The following ARMC2 variants were observed in gnomAD, a reference collection of about 807,000 sequenced individuals.
The protein encoded by ARMC2 is armadillo repeat containing 2, also known as armadillo repeat-containing protein 2.
A neutral mutation model predicts 90.3 loss-of-function variants in ARMC2; 67 were observed. That is an observed-to-expected ratio of 0.74 (90% CI 0.61 to 0.91). The LOEUF (loss-of-function observed/expected upper bound fraction) is 0.91. Ranked by LOEUF, ARMC2 falls within the 40% of genes least tolerant of loss-of-function variation. The pLI is 0.00. For missense variants in ARMC2, 920 were observed against 1,030.9 expected (o/e 0.89, Z 1.47); for synonymous variants, 393 against 393.0 (o/e 1.00, Z 0.00).
intron 17 of ARMC2, among the ~76,000 whole-genome samples, chr6:108,972,844 T>G: frequency 6.6e-6 from 1 of 151,752 alleles, no homozygotes; most frequent in East Asian, 1.9e-4. Flanking sequence ...TTCTGATTTT[T>G]TTTTTTTTTT....
the ARMC2 span, among the ~76,000 whole-genome samples, chr6:109,010,032 CTT>C: frequency 6.6e-6 from 1 of 152,158 alleles, no homozygotes; most frequent in South Asian, 2.1e-4. Context: ...GAATGCAGGA[CTT>C]TGGCCTATAA....
the ARMC2 span, among the ~76,000 whole-genome samples, chr6:109,023,307 C>T: frequency 6.6e-6 from 1 of 152,186 alleles, no homozygotes; most frequent in Non-Finnish European, 1.5e-5. Context: ...GACACATTAT[C>T]ATAACTTCCT....
chr6:108,947,161 G>C (rs1776858506), intron 12 of ARMC2, among the ~76,000 whole-genome samples: 1 of 152,160 alleles, frequency 6.6e-6, no homozygotes, highest in Non-Finnish European at 1.5e-5. Flanking sequence ...GGAGGGAGCT[G>C]GGGAACATTT....
intron 3 of ARMC2, among the ~76,000 whole-genome samples, chr6:108,866,990 G>A (rs1431987193): frequency 6.6e-6 from 1 of 151,864 alleles, no homozygotes; most frequent in African/African-American, 2.4e-5. Flanking sequence ...TGCGTCATAC[G>A]TGATAAATGA....
chr6:108,975,575 T>C (rs1364606220), downstream of ARMC2, among the ~76,000 whole-genome samples: 3 of 152,318 alleles, frequency 2.0e-5, no homozygotes, highest in East Asian at 5.8e-4. Flanking sequence ...CTTGAGGAAT[T>C]GCCACACTGT....
chr6:109,008,605 C>G, the ARMC2 span: 1 of 179,360 alleles, frequency 5.6e-6, no homozygotes, highest in African/African-American at 2.4e-5. Context: ...ATTTAGATTT[C>G]TTGAACTAAG....
At chr6:108,880,187 C>T (rs960808135) in intron 5 of ARMC2, 1 of 341,424 alleles carries the variant, frequency 2.9e-6, no homozygotes, top group Non-Finnish European at 5.7e-6. Context: ...GCAGTATAGG[C>T]TTGATTTTTG....
rs1474704532 is a variant in ARMC2 at position 108,953,366 on chromosome 6, C to G, written c.1915+15C>G. On this transcript the variant is annotated intron_variant, in intron 13 of 17. Coordinates refer to ENST00000392644, the MANE Select transcript of ARMC2 (RefSeq NM_032131.6). ...GACCACGCTGGGTGAGAACCGCAGCCCACTGGCTGCAGCAGACACAACCAA... is the reference window on the plus strand; with the variant it reads ...GACCACGCTGGGTGAGAACCGCAGCGCACTGGCTGCAGCAGACACAACCAA... 2 of 1,583,094 alleles carry G rather than the reference C, an allele frequency of 1.3e-6. No homozygotes were observed. The highest frequency in any genetic ancestry group is 4.5e-5 in the East Asian group (2 of 44,506).
downstream of ARMC2, among the ~76,000 whole-genome samples, chr6:108,977,028 T>A (rs1219832204): frequency 6.6e-6 from 1 of 152,218 alleles, no homozygotes; most frequent in Non-Finnish European, 1.5e-5. Flanking sequence ...GGCCAGAACT[T>A]CCAATACTAT....
Position 108,936,246 on chromosome 6 carries a change from T to TTTTG in ARMC2, c.1497-630_1497-627dup, listed in dbSNP as rs540518859. On this transcript the variant is annotated intron_variant, in intron 11 of 17. Coordinates refer to ENST00000392644, the MANE Select transcript of ARMC2 (RefSeq NM_032131.6). ...TTCGTTTGTTTTGAATGTATAGGTT[T>TTTTG]TTTGTTTGTTTGTTTGTTTGTTTGT... 6.3e-3 allele frequency among the ~76,000 whole-genome samples: 956 copies of TTTTG among 151,986 alleles called. 19 individuals carry two copies. The highest frequency in any genetic ancestry group is 0.021 in the African/African-American group (887 of 41,372).
At chr6:109,009,441 G>A in the ARMC2 span, 2 of 1,364,744 alleles carry the variant, frequency 1.5e-6, no homozygotes, top group Non-Finnish European at 1.9e-6. Flanking sequence ...CGCCTCGTTC[G>A]CGGCGGCGGC....
chr6:108,868,819 T>C lies in ARMC2; in HGVS notation c.292-5T>C, dbSNP rs1027420970. Reference sequence around the variant, plus strand: ...TTCCAGTTATTTAAAAAAATCTCTTTCCAGAAACCGAAAGTTCCAGCATCT... The same window carrying C: ...TTCCAGTTATTTAAAAAAATCTCTTCCCAGAAACCGAAAGTTCCAGCATCT... On this transcript the variant is annotated splice_polypyrimidine_tract_variant and splice_region_variant and intron_variant, in intron 3 of 17. Transcript: ENST00000392644. 3 of 1,610,766 alleles carry C rather than the reference T, an allele frequency of 1.9e-6. No individual in the cohort carries two copies. Among genetic ancestry groups the C allele is most frequent in the Non-Finnish European group, 2.5e-6 (3 of 1,178,912 alleles).
intron 5 of ARMC2, among the ~76,000 whole-genome samples, chr6:108,888,783 C>G (rs1770644962): frequency 6.6e-6 from 1 of 152,202 alleles, no homozygotes. Flanking sequence ...CCTGTCAACC[C>G]TTGACTTACG....
At chr6:108,869,388 A>G (rs1776152702) in intron 4 of ARMC2, among the ~76,000 whole-genome samples, 1 of 152,090 alleles carries the variant, frequency 6.6e-6, no homozygotes, top group South Asian at 2.1e-4. Context: ...CGTGCCTGTA[A>G]TCCCAGCTAC....
chr6:108,964,553 C>G (rs922829309), intron 16 of ARMC2, among the ~76,000 whole-genome samples: 5 of 152,106 alleles, frequency 3.3e-5, no homozygotes, highest in Admixed American at 1.3e-4. Context: ...GTGGGCAGAT[C>G]ACTTGAGGCC....
chr6:108,874,242 G>A (rs1286204819), intron 4 of ARMC2, among the ~76,000 whole-genome samples: 2 of 152,180 alleles, frequency 1.3e-5, no homozygotes, highest in African/African-American at 4.8e-5. Flanking sequence ...CAGTAGATTT[G>A]AAGATAGACA....
chr6:108,878,759 AT>A (rs1398875158), intron 5 of ARMC2, among the ~76,000 whole-genome samples: 2 of 152,196 alleles, frequency 1.3e-5, no homozygotes, highest in East Asian at 3.8e-4. Flanking sequence ...CCATATGCCC[AT>A]TTAGGGATTC....
chr6:108,945,972 T>C (rs1216788835), intron 12 of ARMC2, among the ~76,000 whole-genome samples: 1 of 152,246 alleles, frequency 6.6e-6, no homozygotes, highest in Non-Finnish European at 1.5e-5. Flanking sequence ...CCTATGGCTG[T>C]CTTCCCAGCC....
intron 5 of ARMC2, among the ~76,000 whole-genome samples, chr6:108,888,677 G>C (rs1562354810): frequency 6.6e-6 from 1 of 152,072 alleles, no homozygotes; most frequent in Non-Finnish European, 1.5e-5. Context: ...TCTTACTGTG[G>C]GACTTCAGCT....
Sources: allele counts gnomAD v4.1 joint callset (sites outside exome capture counted in the v4.1 genomes callset), GRCh38; gene constraint gnomAD v4.1.1; transcripts MANE v1.5; gene names NCBI Gene and HGNC (gene_info 2026-07-23, HGNC 2026-07-21).